The following ATF7 variants were observed in gnomAD, a reference collection of about 807,000 sequenced individuals.
ATF7 encodes the protein activating transcription factor 7.
ATF7 carries 10 observed loss-of-function variants against 50.4 expected under a neutral mutation model. That is an observed-to-expected ratio of 0.20 (90% confidence interval 0.12 to 0.34). ATF7 has a LOEUF of 0.34. Ranked by LOEUF, ATF7 falls within the 10% of genes least tolerant of loss-of-function variation. The pLI is 1.00. For missense variants in ATF7, 465 were observed against 613.9 expected (o/e 0.76, Z 2.56); for synonymous variants, 201 against 226.4 (o/e 0.89, Z 1.01).
intron 2 of ATF7, among the ~76,000 whole-genome samples, chr12:53,573,284 A>G (rs1941874783): frequency 6.6e-6 from 1 of 152,176 alleles, no homozygotes; most frequent in Admixed American, 6.6e-5. Flanking sequence ...TCATCCCTCC[A>G]TATCCATGGG....
chr12:53,586,897 G>A (rs1459103510), intron 2 of ATF7, among the ~76,000 whole-genome samples: 5 of 152,170 alleles, frequency 3.3e-5, no homozygotes, highest in African/African-American at 7.2e-5. Flanking sequence ...GATATCACGA[G>A]TGATCATTTT....
intron 3 of ATF7, among the ~76,000 whole-genome samples, chr12:53,550,369 A>C (rs906656320): frequency 1.3e-5 from 2 of 148,210 alleles, no homozygotes; most frequent in Non-Finnish European, 3.0e-5. Context: ...TAAATAAATA[A>C]TAAATATAAA....
At chr12:53,621,609 C>A (rs1324633904) in intron 1 of ATF7, among the ~76,000 whole-genome samples, 2 of 151,542 alleles carry the variant, frequency 1.3e-5, no homozygotes, top group Admixed American at 6.6e-5. Context: ...TGGTGAAACC[C>A]CGTCTCTTCT....
In ATF7 at chr12:53,572,632, T is replaced by C. The variant is rs185716368; in HGVS notation, c.49-19995A>G. ...CACTTTCCATGGTTTCAGTTACCCATAGTCAACTGCAGTTCAAAAATAGAT... is the reference window on the plus strand; with the variant it reads ...CACTTTCCATGGTTTCAGTTACCCACAGTCAACTGCAGTTCAAAAATAGAT... On this transcript the variant is annotated intron_variant, in intron 2 of 11. Coordinates refer to ENST00000420353, the MANE Select transcript of ATF7 (RefSeq NM_006856.3). Among the ~76,000 whole-genome samples, 3 of 152,240 alleles carry C rather than the reference T, an allele frequency of 2.0e-5. No individual in the cohort carries two copies. The East Asian group carries it at 5.8e-4, about 29-fold the overall frequency.
chr12:53,572,699 C>T (rs140388750), intron 2 of ATF7, among the ~76,000 whole-genome samples: 1,581 of 152,118 alleles, frequency 0.01, 27 homozygotes, highest in African/African-American at 0.036. Context: ...ATAATTCCAG[C>T]ATTTTGGGAG....
downstream of ATF7, among the ~76,000 whole-genome samples, chr12:53,510,321 G>A (rs1334536297): frequency 2.0e-5 from 3 of 152,242 alleles, no homozygotes; most frequent in Non-Finnish European, 2.9e-5. Context: ...TTACAGGCAT[G>A]AGCCATTGCA....
downstream of ATF7, among the ~76,000 whole-genome samples, chr12:53,510,902 T>C (rs965413186): frequency 6.6e-6 from 1 of 152,246 alleles, no homozygotes; most frequent in African/African-American, 2.4e-5. Context: ...GGTATTTGGC[T>C]TTCAGCAATT....
chr12:53,553,390 G>C (rs186441699), intron 2 of ATF7, among the ~76,000 whole-genome samples: 2 of 152,328 alleles, frequency 1.3e-5, no homozygotes, highest in East Asian at 3.9e-4. Flanking sequence ...TTTTTTAGGG[G>C]TAGGGAGGAG....
intron 1 of ATF7, among the ~76,000 whole-genome samples, chr12:53,616,370 G>T (rs949082095): frequency 1.3e-4 from 20 of 151,878 alleles, no homozygotes; most frequent in Admixed American, 1.1e-3. Context: ...CTAAAGGCGT[G>T]CACCACCAAG....
At chr12:53,551,382 G>A (rs1005235763) in intron 3 of ATF7, among the ~76,000 whole-genome samples, 3 of 151,998 alleles carry the variant, frequency 2.0e-5, no homozygotes, top group Non-Finnish European at 4.4e-5. Context: ...GGCTGGTCTC[G>A]AACTCCCAGC....
intron 3 of ATF7, among the ~76,000 whole-genome samples, chr12:53,551,223 G>A (rs756470749): frequency 1.3e-5 from 2 of 152,016 alleles, no homozygotes; most frequent in African/African-American, 4.8e-5. Context: ...GCAGTAGCAC[G>A]GTCATAGCAC....
chr12:53,529,734 C>CACACACACACACACAT (rs1298379846), intron 9 of ATF7, among the ~76,000 whole-genome samples: 12 of 143,552 alleles, frequency 8.4e-5, no homozygotes, highest in African/African-American at 2.7e-4. Context: ...CACACACACA[C>CACACACACACACACAT]ATATATATAT....
intron 2 of ATF7, 27 bp from the exon 3 acceptor site, chr12:53,552,664 GA>G: frequency 6.3e-7 from 1 of 1,589,584 alleles, no homozygotes; most frequent in Non-Finnish European, 8.6e-7. Context: ...ATGGAGATAT[GA>G]AAAAACAAAA....
intron 2 of ATF7, among the ~76,000 whole-genome samples, chr12:53,555,772 A>G (rs1169491744): frequency 1.3e-5 from 2 of 151,694 alleles, no homozygotes; most frequent in African/African-American, 4.9e-5. Flanking sequence ...GACCTCCCAA[A>G]GTGCTAGAAT....
intron 2 of ATF7, among the ~76,000 whole-genome samples, chr12:53,559,813 T>A (rs190245123): frequency 6.6e-6 from 1 of 152,260 alleles, no homozygotes; most frequent in African/African-American, 2.4e-5. Context: ...AAGCCTCCCA[T>A]ATATTCCTGT....
Position 53,570,777 on chromosome 12 carries a change from A to G in ATF7, c.49-18140T>C, listed in dbSNP as rs76518046. On this transcript the variant is annotated intron_variant, in intron 2 of 11. Transcript: ENST00000420353. ...TGTGTGTGTGTGTGTGTGTGTGTGTATGTCCAATTTCCTCTTTTTATAGGA... is the reference window on the plus strand; with the variant it reads ...TGTGTGTGTGTGTGTGTGTGTGTGTGTGTCCAATTTCCTCTTTTTATAGGA... 4.1e-3 allele frequency among the ~76,000 whole-genome samples: 478 copies of G among 117,166 alleles called. 7 individuals carry two copies. The East Asian group carries it at 0.049, about 12-fold the overall frequency. 76.9% of individuals were successfully genotyped at this position (117,166 alleles called of 152,430 possible).
chr12:53,614,406 A>G (rs529139853), intron 1 of ATF7, among the ~76,000 whole-genome samples: 29 of 152,354 alleles, frequency 1.9e-4, no homozygotes, highest in African/African-American at 6.5e-4. Flanking sequence ...CCATTTTCAG[A>G]TAAAGTATGA....
intron 2 of ATF7, among the ~76,000 whole-genome samples, chr12:53,574,149 A>C (rs1941926260): frequency 6.6e-6 from 1 of 152,252 alleles, no homozygotes; most frequent in African/African-American, 2.4e-5. Context: ...CAGAATTAAC[A>C]GTCCAGGAAT....
At chr12:53,598,041 T>C (rs1173566839) in intron 2 of ATF7, among the ~76,000 whole-genome samples, 2 of 152,174 alleles carry the variant, frequency 1.3e-5, no homozygotes, top group Non-Finnish European at 2.9e-5. Flanking sequence ...TACAAATAGT[T>C]TGAAAGGCTC....
Sources: allele counts gnomAD v4.1 joint callset (sites outside exome capture counted in the v4.1 genomes callset), GRCh38; gene constraint gnomAD v4.1.1; transcripts MANE v1.5; gene names NCBI Gene and HGNC (gene_info 2026-07-23, HGNC 2026-07-21).